Variants in LDLRAD4 observed in about 807,000 individuals in gnomAD.
LDLRAD4 encodes low density lipoprotein receptor class A domain containing 4, also known as low-density lipoprotein receptor class A domain-containing protein 4.
In LDLRAD4, 5 loss-of-function variants were observed where a neutral mutation model predicts 17.0. The ratio of observed to expected loss-of-function variants is 0.29; its 90% CI spans 0.15 to 0.62. The LOEUF is 0.62. Ranked by LOEUF, LDLRAD4 falls within the 20% of genes least tolerant of loss-of-function variation. The pLI, the probability that LDLRAD4 is intolerant of heterozygous loss-of-function variation, is 0.84. For synonymous variants in LDLRAD4, 168 were observed against 171.8 expected (o/e 0.98, Z 0.17); for missense variants, 340 against 424.7 (o/e 0.80, Z 1.75).
intron 3 of LDLRAD4, among the ~76,000 whole-genome samples, chr18:13,519,327 C>T (rs551247498): frequency 5.9e-4 from 90 of 152,316 alleles, no homozygotes; most frequent in Admixed American, 1.5e-3. Context: ...CATCAACCTA[C>T]GTGGCTCTCC....
Position 13,642,542 on chromosome 18 carries a change from G to A in LDLRAD4, c.337-817G>A, listed in dbSNP as rs186868582. The A allele has an allele frequency of 2.8e-3, 3,485 of 1,228,088 alleles. 10 individuals are homozygous for A. The highest frequency in any genetic ancestry group is 2.9e-3 in the Non-Finnish European group (2,878 of 986,114). The allele number at this position is 1,228,088 out of a possible 1,614,324, so 76.1% of individuals were successfully genotyped here. On this transcript the variant is annotated intron_variant, in intron 4 of 5. Coordinates refer to ENST00000359446, the Ensembl canonical transcript of LDLRAD4. ...GAAGTTGCATCTGCCCTGTGAATAG[G>A]TGGACTGGAGAAGACACTCGCTGGA...
At chr18:13,333,394 A>C (rs2081962177) in intron 1 of LDLRAD4, among the ~76,000 whole-genome samples, 2 of 152,198 alleles carry the variant, frequency 1.3e-5, no homozygotes. Flanking sequence ...ATTGTCTTTC[A>C]CATAGCAGAA....
chr18:13,399,749 C>T (rs900825435), intron 2 of LDLRAD4, among the ~76,000 whole-genome samples: 2 of 152,216 alleles, frequency 1.3e-5, no homozygotes, highest in Non-Finnish European at 1.5e-5. Flanking sequence ...TGTAAACTCA[C>T]GTGAACATAT....
At chr18:13,522,117 C>T (rs568656576) in intron 3 of LDLRAD4, 11 of 152,134 alleles carry the variant, frequency 7.2e-5, no homozygotes, top group African/African-American at 2.7e-4. Context: ...TATTTCCCAT[C>T]TGTTTCTTTT....
At chr18:13,430,088 A>C (rs1274529566) in intron 2 of LDLRAD4, among the ~76,000 whole-genome samples, 2 of 152,102 alleles carry the variant, frequency 1.3e-5, no homozygotes. Context: ...GACTGACCAG[A>C]GGGAAAGAGC....
At chr18:13,285,500 T>G (rs2045569845) in intron 1 of LDLRAD4, among the ~76,000 whole-genome samples, 1 of 152,202 alleles carries the variant, frequency 6.6e-6, no homozygotes, top group South Asian at 2.1e-4. Context: ...CTTTGTAGGC[T>G]TTCTTCTTGA....
chr18:13,632,019 A>G (rs1216731381), intron 4 of LDLRAD4, among the ~76,000 whole-genome samples: 1 of 152,214 alleles, frequency 6.6e-6, no homozygotes, highest in African/African-American at 2.4e-5. Flanking sequence ...CCAGAAGGCA[A>G]GGATGGTTCC....
intron 3 of LDLRAD4, among the ~76,000 whole-genome samples, chr18:13,451,497 A>G (rs1290190410): frequency 6.6e-6 from 1 of 152,128 alleles, no homozygotes; most frequent in Non-Finnish European, 1.5e-5. Context: ...TGTCAACACT[A>G]TGCCTCCTTA....
At chr18:13,277,097 A>G (rs887412633), upstream of LDLRAD4, among the ~76,000 whole-genome samples, 3 of 152,180 alleles carry the variant, frequency 2.0e-5, no homozygotes, top group Non-Finnish European at 4.4e-5. Context: ...TGGCTGGGGT[A>G]GAGCTCCGCA....
At chr18:13,630,109 C>T (rs1449686324) in intron 4 of LDLRAD4, among the ~76,000 whole-genome samples, 1 of 150,618 alleles carries the variant, frequency 6.6e-6, no homozygotes, top group African/African-American at 2.5e-5. Context: ...AGAGGCACCT[C>T]ATATTGCTTT....
chr18:13,588,399 TGAATC>T (rs2148512305), intron 3 of LDLRAD4, among the ~76,000 whole-genome samples: 1 of 152,354 alleles, frequency 6.6e-6, no homozygotes, highest in East Asian at 1.9e-4. Flanking sequence ...GGCTGGGAAA[TGAATC>T]TATTGATTTC....
chr18:13,464,995 C>G (rs947489530), intron 3 of LDLRAD4: 1 of 152,142 alleles, frequency 6.6e-6, no homozygotes, highest in Non-Finnish European at 1.5e-5. Flanking sequence ...TGGCAGGAGC[C>G]GGGAGGAAGG....
intron 1 of LDLRAD4, among the ~76,000 whole-genome samples, chr18:13,315,839 A>T (rs1377791136): frequency 6.6e-6 from 1 of 152,106 alleles, no homozygotes; most frequent in Non-Finnish European, 1.5e-5. Context: ...AATTCTGGGA[A>T]TGAAAAATAC....
At chr18:13,448,460 A>G (rs1206957912) in intron 3 of LDLRAD4, among the ~76,000 whole-genome samples, 3 of 152,146 alleles carry the variant, frequency 2.0e-5, no homozygotes, top group Non-Finnish European at 4.4e-5. Flanking sequence ...GGGTAAAAAA[A>G]TCCCCAGCGC....
intron 2 of LDLRAD4, among the ~76,000 whole-genome samples, chr18:13,432,396 C>T (rs78727670): frequency 0.024 from 3,627 of 152,308 alleles, 53 homozygotes; most frequent in Middle Eastern, 0.051. Flanking sequence ...ATGGGGAGTC[C>T]TTTTCCCTTT....
intron 2 of LDLRAD4, among the ~76,000 whole-genome samples, chr18:13,403,917 G>A (rs1423709347): frequency 1.3e-5 from 2 of 152,228 alleles, no homozygotes; most frequent in African/African-American, 4.8e-5. Flanking sequence ...GAAGAGGGAG[G>A]CCATCTGGAT....
intron 1 of LDLRAD4, among the ~76,000 whole-genome samples, chr18:13,357,413 GAA>G (rs750833469): frequency 2.1e-5 from 3 of 141,888 alleles, no homozygotes; most frequent in East Asian, 2.0e-4. Flanking sequence ...TTGGATGCAG[GAA>G]AAAAAAAAAA....
chr18:13,368,417 G>T (rs1381621417), intron 1 of LDLRAD4, among the ~76,000 whole-genome samples: 1 of 152,164 alleles, frequency 6.6e-6, no homozygotes, highest in Non-Finnish European at 1.5e-5. Context: ...TCTCAGGGAT[G>T]CCTGCTTTCT....
At chr18:13,471,285 A>C (rs575281775) in intron 3 of LDLRAD4, 6 of 136,116 alleles carry the variant, frequency 4.4e-5, no homozygotes, top group African/African-American at 1.6e-4. Flanking sequence ...CAGCAGCGTG[A>C]GCACTGGCTG....
Sources: allele counts gnomAD v4.1 joint callset (sites outside exome capture counted in the v4.1 genomes callset), GRCh38; gene constraint gnomAD v4.1.1; transcripts MANE v1.5; gene names NCBI Gene and HGNC (gene_info 2026-07-23, HGNC 2026-07-21).